GABRG2: variants seen among roughly 807,000 people sequenced by gnomAD.
GABRG2 encodes gamma-aminobutyric acid type A receptor subunit gamma2.
GABRG2 carries 16 observed loss-of-function variants against 56.4 expected under a neutral mutation model. That is an observed-to-expected ratio of 0.28 (90% CI 0.19 to 0.43). The LOEUF (loss-of-function observed/expected upper bound fraction) is 0.43. Among genes scored for constraint, GABRG2 ranks in the 20% least tolerant of loss-of-function variants. The pLI, the probability that GABRG2 is intolerant of heterozygous loss-of-function variation, is 1.00. For synonymous variants in GABRG2, 208 were observed against 205.5 expected, an observed-to-expected ratio of 1.01 and a Z score of -0.10; for missense variants, 327 against 582.7, an observed-to-expected ratio of 0.56 and a Z score of 4.52.
At chr5:162,133,483 T>G (rs1763900804) in intron 6 of GABRG2, among the ~76,000 whole-genome samples, 1 of 152,126 alleles carries the variant, frequency 6.6e-6, no homozygotes. Flanking sequence ...TAGTTAGATG[T>G]TTGCAGGAGT....
intron 1 of GABRG2, among the ~76,000 whole-genome samples, chr5:162,076,198 G>A (rs961046537): frequency 6.6e-6 from 1 of 151,994 alleles, no homozygotes; most frequent in Non-Finnish European, 1.5e-5. Flanking sequence ...TTTTGAGTAG[G>A]AATTGATATA....
chr5:162,144,126 C>A (rs1181660764), intron 7 of GABRG2, among the ~76,000 whole-genome samples: 1 of 152,184 alleles, frequency 6.6e-6, no homozygotes, highest in African/African-American at 2.4e-5. Context: ...TGAACAGATA[C>A]ATACTGTATT....
At chr5:162,072,632 T>C (rs982578446) in intron 1 of GABRG2, among the ~76,000 whole-genome samples, 3 of 152,114 alleles carry the variant, frequency 2.0e-5, no homozygotes, top group Middle Eastern at 6.8e-3. Flanking sequence ...AGCCATAAGA[T>C]AATATCAATT....
In GABRG2 at chr5:162,067,960, C is replaced by T. The variant is rs1758343427; in HGVS notation, c.-40C>T. ...ACAAAGGGGAGGGATTCTTCTGCAA[C>T]CAAGAGGCAAGAGGCGAGAGAAGGA... On this transcript the variant is annotated 5_prime_UTR_variant, in exon 1 of 10. Coordinates refer to ENST00000639213, the MANE Select transcript of GABRG2 (RefSeq NM_198904.4). 1 of 1,385,020 alleles carries T rather than the reference C, an allele frequency of 7.2e-7. No homozygotes were observed. Among genetic ancestry groups the T allele is most frequent in the African/African-American group, 1.4e-5 (1 of 69,856 alleles). 85.8% of individuals were successfully genotyped at this position (1,385,020 alleles called of 1,614,324 possible).
At chr5:162,086,154 A>G (rs1308752468) in intron 1 of GABRG2, among the ~76,000 whole-genome samples, 1 of 152,050 alleles carries the variant, frequency 6.6e-6, no homozygotes, top group East Asian at 1.9e-4. Context: ...TGGCAACCAT[A>G]CAATAGCATG....
At chr5:162,111,750 G>A (rs1762267130) in intron 6 of GABRG2, among the ~76,000 whole-genome samples, 1 of 152,100 alleles carries the variant, frequency 6.6e-6, no homozygotes, top group South Asian at 2.1e-4. Flanking sequence ...TCAATGGGTA[G>A]AGTTATTTAT....
At chr5:162,106,447 T>C (rs1761833508) in intron 6 of GABRG2, among the ~76,000 whole-genome samples, 1 of 152,210 alleles carries the variant, frequency 6.6e-6, no homozygotes, top group Admixed American at 6.5e-5. Context: ...GGCAGGCTGA[T>C]TTCTGTGACA....
intron 6 of GABRG2, among the ~76,000 whole-genome samples, chr5:162,135,511 G>C (rs764868996): frequency 5.3e-5 from 8 of 152,082 alleles, no homozygotes; most frequent in Non-Finnish European, 8.8e-5. Flanking sequence ...GAATAAAATA[G>C]TGAGCAAAAT....
intron 6 of GABRG2, among the ~76,000 whole-genome samples, chr5:162,116,480 T>TA (rs1762634485): frequency 6.6e-6 from 1 of 151,830 alleles, no homozygotes; most frequent in South Asian, 2.1e-4. Context: ...AAATTGTCCT[T>TA]AAAACCTCTG....
At chr5:162,152,647 T>C (rs1765456065) in intron 9 of GABRG2, 2 of 304,662 alleles carry the variant, frequency 6.6e-6, no homozygotes, top group South Asian at 7.9e-5. Context: ...TTGCTCAGAG[T>C]AATGGGTTTT....
At chr5:162,084,173 A>T (rs544297239) in intron 1 of GABRG2, among the ~76,000 whole-genome samples, 32 of 151,940 alleles carry the variant, frequency 2.1e-4, no homozygotes, top group African/African-American at 5.8e-4. Context: ...GTATAATTAG[A>T]TATGCTGAAG....
intron 1 of GABRG2, among the ~76,000 whole-genome samples, chr5:162,078,215 G>C (rs1212681933): frequency 2.0e-5 from 3 of 151,346 alleles, no homozygotes; most frequent in Non-Finnish European, 4.4e-5. Context: ...TGCCACCATG[G>C]CTGGGTTCTG....
intron 1 of GABRG2, among the ~76,000 whole-genome samples, chr5:162,079,526 A>T (rs1477117579): frequency 6.6e-6 from 1 of 152,010 alleles, no homozygotes; most frequent in Non-Finnish European, 1.5e-5. Context: ...TGTTGCTAGC[A>T]CCCTGCCAGC....
intron 6 of GABRG2, among the ~76,000 whole-genome samples, chr5:162,109,371 C>CCCTAGAA: frequency 7.5e-6 from 1 of 133,980 alleles, no homozygotes; most frequent in East Asian, 2.3e-4. Context: ...TGCACATGTA[C>CCCTAGAA]CCTAGAACTT....
In GABRG2 at chr5:162,117,540, T is replaced by C. The variant is rs532975009; in HGVS notation, c.769+13514T>C. ...GCAACTTTTAAAATCTTTTCCTGTA[T>C]TTAATCTTAACAATTGAGCTACGAT... On this transcript the variant is annotated intron_variant, in intron 6 of 9. Transcript: ENST00000639213. 1.9e-3 allele frequency among the ~76,000 whole-genome samples: 291 copies of C among 152,286 alleles called. 2 individuals are homozygous for C. Among genetic ancestry groups the C allele is most frequent in the African/African-American group, 6.8e-3 (283 of 41,576 alleles).
rs185569912 is a variant in GABRG2, at chr5:162,133,539, A to G, written c.770-8625A>G. 8.5e-5 allele frequency among the ~76,000 whole-genome samples: 13 copies of G among 152,232 alleles called. No individual in the cohort carries two copies. In the East Asian group the frequency reaches 2.5e-3, roughly 30 times the overall value. Reference sequence around the variant, plus strand: ...AATTGCTGTCTCTTTCGATGGATCAAAGTAGCAAATGTATTCATTTGTAGC... The same window carrying G: ...AATTGCTGTCTCTTTCGATGGATCAGAGTAGCAAATGTATTCATTTGTAGC... On this transcript the variant is annotated intron_variant, in intron 6 of 9. Transcript: ENST00000639213.
Position 162,068,074 on chromosome 5 carries a change from G to C in GABRG2, c.75G>C (p.Val25=). Residue 25 remains valine (V), a synonymous_variant, in exon 1 of 10, where the codon GTG becomes GTC. Transcript: ENST00000639213. ...CTGTATTTTCACAGAAAATGACGGTGTGGATTCTGCTCCTGCTGTCGCTCT... is the reference window on the plus strand; with the variant it reads ...CTGTATTTTCACAGAAAATGACGGTCTGGATTCTGCTCCTGCTGTCGCTCT... The part of the protein sequence containing the change: ...STPVFSQKMT[V]WILLLLSLYP... 6.2e-7 allele frequency: 1 copy of C among 1,613,388 alleles called. No homozygotes were observed. Among genetic ancestry groups the C allele is most frequent in the Non-Finnish European group, 8.5e-7 (1 of 1,179,688 alleles).
chr5:162,093,669 C>A (rs1393801910), intron 1 of GABRG2, among the ~76,000 whole-genome samples, 159 bp from the exon 2 acceptor site: 1 of 152,152 alleles, frequency 6.6e-6, no homozygotes, highest in Non-Finnish European at 1.5e-5. Flanking sequence ...CAGTTAGTCT[C>A]CATCTATGCA....
rs1761110507 is a variant in GABRG2, at chr5:162,097,805, C to T, written c.495C>T (p.Thr165=). 6.2e-7 allele frequency: 1 copy of T among 1,613,758 alleles called. No individual in the cohort carries two copies. Among genetic ancestry groups the T allele is most frequent in the Non-Finnish European group, 8.5e-7 (1 of 1,179,862 alleles). Residue 165 remains threonine (T), a synonymous_variant, in exon 4 of 10, where the codon ACC becomes ACT. Transcript: ENST00000639213. ...AAGCTGATGCACACTGGATCACCAC[C>T]CCCAACAGGATGCTGAGAATTTGGA... is the stretch of plus-strand genomic sequence containing the variant. ...SKKADAHWIT[T]PNRMLRIWND...
Sources: allele counts gnomAD v4.1 joint callset (sites outside exome capture counted in the v4.1 genomes callset), GRCh38; gene constraint gnomAD v4.1.1; transcripts MANE v1.5; gene names NCBI Gene and HGNC (gene_info 2026-07-23, HGNC 2026-07-21).